Variants in AFF3 observed in about 807,000 individuals in gnomAD.
AFF3 encodes ALF transcription elongation factor 3.
AFF3 carries 32 observed loss-of-function variants against 129.7 expected under a neutral mutation model. The observed-to-expected ratio is 0.25, with a 90% CI of 0.19 to 0.33. AFF3 has a LOEUF of 0.33. AFF3 is among the 10% of genes least tolerant of loss of function. The pLI is 1.00. For missense variants in AFF3, 1,373 were observed against 1,592.0 expected (o/e 0.86, Z 2.34); for synonymous variants, 644 against 635.4 (o/e 1.01, Z -0.20).
chr2:100,007,116 G>A (rs142057546), intron 6 of AFF3, 32 bp downstream of exon 6: 24 of 1,606,304 alleles, frequency 1.5e-5, no homozygotes, highest in Non-Finnish European at 1.8e-5. Flanking sequence ...TAGCAGATTT[G>A]TGCAAATCAA....
At chr2:100,032,656 T>C (rs756276960) in intron 4 of AFF3, among the ~76,000 whole-genome samples, 3 of 152,206 alleles carry the variant, frequency 2.0e-5, no homozygotes, top group African/African-American at 4.8e-5. Context: ...GGTGATCCAA[T>C]TGACCCACTA....
rs996266884 is a variant in AFF3, at chr2:99,637,199, A to G, written c.1184+12427T>C. On this transcript the variant is annotated intron_variant, in intron 13 of 24. Transcript: ENST00000672756. ...GATGAAAAACAGAACAAAACAAAAC[A>G]GATTTGATATCATGACTTTAACTCC... Among the ~76,000 whole-genome samples the G allele has an allele frequency of 5.3e-5, 8 of 152,260 alleles. No individual in the cohort carries two copies. In the East Asian group the frequency reaches 1.3e-3, roughly 26 times the overall value.
intron 7 of AFF3, among the ~76,000 whole-genome samples, chr2:99,957,930 A>C (rs1676821494): frequency 6.6e-6 from 1 of 152,182 alleles, no homozygotes; most frequent in African/African-American, 2.4e-5. Flanking sequence ...TAGATGCTTG[A>C]AGAATTCTTG....
intron 10 of AFF3, among the ~76,000 whole-genome samples, chr2:99,733,786 C>T (rs1019186219): frequency 7.2e-5 from 11 of 152,186 alleles, no homozygotes; most frequent in African/African-American, 9.7e-5. Context: ...TCTCTACTCA[C>T]TCACTTTCAT....
intron 4 of AFF3, among the ~76,000 whole-genome samples, chr2:100,050,164 C>T (rs549020339): frequency 1.1e-3 from 168 of 151,704 alleles, no homozygotes; most frequent in Non-Finnish European, 1.9e-3. Flanking sequence ...CACCACTGCA[C>T]TCCAGCCTGG....
chr2:100,022,105 G>C (rs1360956734), intron 4 of AFF3, among the ~76,000 whole-genome samples: 1 of 152,134 alleles, frequency 6.6e-6, no homozygotes, highest in Non-Finnish European at 1.5e-5. Flanking sequence ...TTCATTCTGT[G>C]CTAGTGACAC....
At chr2:100,006,153 T>C (rs1195237901) in intron 7 of AFF3, 1 of 152,744 alleles carries the variant, frequency 6.5e-6, no homozygotes, top group African/African-American at 2.4e-5. Flanking sequence ...TGAGGTTTAT[T>C]TGGTAAAGTT....
rs150809583 is a variant in AFF3 at position 100,118,512 on chromosome 2, A to T, written c.-145+10712T>A. Among the ~76,000 whole-genome samples, 1,306 of 152,328 alleles carry T rather than the reference A, an allele frequency of 8.6e-3. 27 individuals carry two copies. Among genetic ancestry groups the T allele is most frequent in the African/African-American group, 0.03 (1,254 of 41,568 alleles). ...TGCAAAGTTATATTACAGTGTCAGC[A>T]TCTAGTGTAAGCACTCATCAAATAG... On this transcript the variant is annotated intron_variant, in intron 2 of 24. Coordinates refer to ENST00000672756, the MANE Select transcript of AFF3 (RefSeq NM_001386135.1).
chr2:99,928,015 AGC>A, intron 7 of AFF3, among the ~76,000 whole-genome samples: 1 of 152,172 alleles, frequency 6.6e-6, no homozygotes, highest in South Asian at 2.1e-4. Context: ...CCCCTACACA[AGC>A]TCTCTCTCTG....
intron 11 of AFF3, among the ~76,000 whole-genome samples, chr2:99,695,323 T>C (rs1215795334): frequency 1.3e-5 from 2 of 152,158 alleles, no homozygotes; most frequent in African/African-American, 4.8e-5. Context: ...CACGCTCAGT[T>C]CTTCACTGGG....
chr2:99,713,207 C>T (rs1377603696), intron 11 of AFF3, among the ~76,000 whole-genome samples: 1 of 151,864 alleles, frequency 6.6e-6, no homozygotes, highest in African/African-American at 2.4e-5. Flanking sequence ...TGCCACTGAA[C>T]TGCACACTTG....
At chr2:99,639,781 G>T (rs985689533) in intron 13 of AFF3, among the ~76,000 whole-genome samples, 3 of 150,856 alleles carry the variant, frequency 2.0e-5, no homozygotes, top group Admixed American at 6.6e-5. Context: ...TCTGTTTCCT[G>T]GGTTCAAGTG....
chr2:99,906,114 C>T (rs1694699264), intron 7 of AFF3, among the ~76,000 whole-genome samples: 2 of 152,180 alleles, frequency 1.3e-5, no homozygotes, highest in African/African-American at 2.4e-5. Flanking sequence ...TTTCTGGACG[C>T]CATTCTAAAT....
At chr2:99,843,647 T>C (rs989782233) in intron 7 of AFF3, among the ~76,000 whole-genome samples, 2 of 152,206 alleles carry the variant, frequency 1.3e-5, no homozygotes, top group African/African-American at 2.4e-5. Context: ...GTCAACTGTA[T>C]TTATATCAGC....
intron 15 of AFF3, among the ~76,000 whole-genome samples, chr2:99,590,489 G>A (rs1315668341): frequency 6.6e-6 from 1 of 152,186 alleles, no homozygotes; most frequent in Admixed American, 6.5e-5. Context: ...ACACCACTAT[G>A]GTCCCATGCA....
At chr2:99,873,098 A>C (rs1692006415) in intron 7 of AFF3, among the ~76,000 whole-genome samples, 1 of 152,248 alleles carries the variant, frequency 6.6e-6, no homozygotes, top group Admixed American at 6.5e-5. Context: ...TTCTCAAGAC[A>C]ACCATCCTAC....
chr2:99,977,408 T>C (rs924075741), intron 7 of AFF3, among the ~76,000 whole-genome samples: 3 of 152,208 alleles, frequency 2.0e-5, no homozygotes, highest in African/African-American at 7.2e-5. Flanking sequence ...GCTCCCTCAC[T>C]GTACCACAGC....
chr2:99,677,263 C>CA (rs386390727), intron 11 of AFF3, among the ~76,000 whole-genome samples: 10,262 of 105,108 alleles, frequency 0.098, 1,218 homozygotes, highest in African/African-American at 0.28. Context: ...GACCCTGTCT[C>CA]AAAAAAAAAA....
intron 12 of AFF3, among the ~76,000 whole-genome samples, chr2:99,653,859 T>C (rs949772257): frequency 1.3e-5 from 2 of 150,454 alleles, no homozygotes; most frequent in African/African-American, 2.4e-5. Context: ...GCACCATCAA[T>C]TGCCTGCACT....
Sources: allele counts gnomAD v4.1 joint callset (sites outside exome capture counted in the v4.1 genomes callset), GRCh38; gene constraint gnomAD v4.1.1; transcripts MANE v1.5; gene names NCBI Gene and HGNC (gene_info 2026-07-23, HGNC 2026-07-21).